The following ANO10 variants were observed in gnomAD, a reference collection of about 807,000 sequenced individuals.
The protein encoded by ANO10 is anoctamin-10.
In ANO10, 77 loss-of-function variants were observed where a neutral mutation model predicts 74.7. That is an observed-to-expected ratio of 1.03 (90% CI 0.86 to 1.25). The LOEUF is 1.25. Among genes scored for constraint, ANO10 ranks in the 50% most tolerant of loss-of-function variants. The pLI, the probability that ANO10 is intolerant of heterozygous loss-of-function variation, is 0.00. For missense variants in ANO10, 721 were observed against 778.1 expected (o/e 0.93, Z 0.87); for synonymous variants, 279 against 284.9 (o/e 0.98, Z 0.21).
chr3:43,546,145 T>C lies in ANO10; in HGVS notation c.1797+3575A>G, dbSNP rs141682516. On this transcript the variant is annotated intron_variant, in intron 11 of 12. Transcript: ENST00000292246. ...GTCAATAAGGTATAAACAAAACAAA[T>C]ATTCAAATACACACTGTGACAGAAA... Among the ~76,000 whole-genome samples, 283 of 152,308 alleles carry C rather than the reference T, an allele frequency of 1.9e-3. 2 individuals carry two copies. The highest frequency in any genetic ancestry group is 8.7e-3 in the East Asian group (45 of 5,190).
At chr3:43,455,025 G>C (rs1352253889) in intron 11 of ANO10, among the ~76,000 whole-genome samples, 5 of 152,182 alleles carry the variant, frequency 3.3e-5, no homozygotes, top group Non-Finnish European at 5.9e-5. Flanking sequence ...GAGTGTGGAG[G>C]TGTCCCTCAT....
At chr3:43,599,761 C>A (rs757312608) in intron 3 of ANO10, among the ~76,000 whole-genome samples, 1 of 151,928 alleles carries the variant, frequency 6.6e-6, no homozygotes, top group Non-Finnish European at 1.5e-5. Flanking sequence ...AAAAAATTAG[C>A]CAGGTGTGGT....
At chr3:43,583,984 G>T (rs1327506215) in intron 4 of ANO10, among the ~76,000 whole-genome samples, 2 of 152,104 alleles carry the variant, frequency 1.3e-5, no homozygotes, top group Non-Finnish European at 2.9e-5. Flanking sequence ...TATCCCTTAG[G>T]ATATGGTTAA....
At chr3:43,425,221 T>A (rs995606487) in intron 12 of ANO10, among the ~76,000 whole-genome samples, 46 of 148,444 alleles carry the variant, frequency 3.1e-4, no homozygotes, top group Admixed American at 1.2e-3. Flanking sequence ...TTTTTTTTTT[T>A]AAATAGAGAT....
chr3:43,392,230 A>T (rs1020414223), intron 12 of ANO10, among the ~76,000 whole-genome samples: 3 of 150,440 alleles, frequency 2.0e-5, no homozygotes, highest in Non-Finnish European at 1.5e-5. Flanking sequence ...CAAGCAGTAT[A>T]AAAATACTGT....
intron 11 of ANO10, among the ~76,000 whole-genome samples, chr3:43,501,665 A>T (rs2077105011): frequency 6.6e-6 from 1 of 152,220 alleles, no homozygotes; most frequent in African/African-American, 2.4e-5. Flanking sequence ...CAAGAAAGAC[A>T]GCTCATTATT....
At chr3:43,385,192 G>A (rs576325516) in intron 12 of ANO10, among the ~76,000 whole-genome samples, 2 of 152,264 alleles carry the variant, frequency 1.3e-5, no homozygotes, top group East Asian at 3.9e-4. Flanking sequence ...AATGATCAGG[G>A]AAATGCAAAC....
chr3:43,385,087 C>A (rs1022362558), intron 12 of ANO10, among the ~76,000 whole-genome samples: 1 of 151,958 alleles, frequency 6.6e-6, no homozygotes, highest in Non-Finnish European at 1.5e-5. Flanking sequence ...AAAAAACAAT[C>A]CCATCAAAAA....
chr3:43,497,238 A>G (rs923113890), intron 11 of ANO10, among the ~76,000 whole-genome samples: 1 of 152,212 alleles, frequency 6.6e-6, no homozygotes, highest in African/African-American at 2.4e-5. Context: ...CTAGCATACA[A>G]AAGTCAGCGT....
intron 11 of ANO10, among the ~76,000 whole-genome samples, chr3:43,470,844 C>G (rs910061808): frequency 3.9e-5 from 6 of 151,948 alleles, no homozygotes; most frequent in Non-Finnish European, 7.4e-5. Flanking sequence ...CCAGGCTAAT[C>G]TCAAGCTCCT....
intron 7 of ANO10, among the ~76,000 whole-genome samples, chr3:43,571,844 A>G (rs1237428298): frequency 6.8e-6 from 1 of 146,322 alleles, no homozygotes; most frequent in African/African-American, 2.6e-5. Context: ...AAAAAAAAAA[A>G]GAAGTATTTT....
At chr3:43,474,627 A>G (rs1179308422) in intron 11 of ANO10, among the ~76,000 whole-genome samples, 1 of 152,270 alleles carries the variant, frequency 6.6e-6, no homozygotes, top group Non-Finnish European at 1.5e-5. Flanking sequence ...GAATGTATAA[A>G]TAAGTCAAAT....
At chr3:43,662,375 C>T (rs150139823) in intron 1 of ANO10, among the ~76,000 whole-genome samples, 7,579 of 152,230 alleles carry the variant, frequency 0.05, 281 homozygotes, top group South Asian at 0.12. Flanking sequence ...AAAGACACAA[C>T]GTACCAGAAT....
intron 1 of ANO10, among the ~76,000 whole-genome samples, chr3:43,674,645 T>A (rs988811809): frequency 9.9e-5 from 15 of 152,204 alleles, no homozygotes; most frequent in African/African-American, 3.4e-4. Flanking sequence ...AAGTTTAATG[T>A]TCAGGAGTGC....
At chr3:43,576,582 C>G in intron 6 of ANO10, 110 bp downstream of exon 6, 4 of 1,177,476 alleles carry the variant, frequency 3.4e-6, no homozygotes, top group Non-Finnish European at 4.9e-6. Flanking sequence ...CTATAATGAG[C>G]CAAGAGCAAC....
intron 4 of ANO10, among the ~76,000 whole-genome samples, chr3:43,590,919 C>A (rs1559749151): frequency 1.3e-5 from 2 of 152,156 alleles, no homozygotes; most frequent in African/African-American, 4.8e-5. Flanking sequence ...TCAACTCACA[C>A]CCAACCCATC....
intron 1 of ANO10, among the ~76,000 whole-genome samples, chr3:43,654,079 G>A (rs1274944016): frequency 1.3e-5 from 2 of 152,030 alleles, no homozygotes; most frequent in African/African-American, 4.8e-5. Context: ...CAGGAAAATG[G>A]AGCCAGAGCC....
At chr3:43,474,836 C>T (rs775097806) in intron 11 of ANO10, among the ~76,000 whole-genome samples, 5 of 152,162 alleles carry the variant, frequency 3.3e-5, no homozygotes, top group Non-Finnish European at 7.4e-5. Context: ...TCTATCTAAT[C>T]TAGTCAAGAG....
chr3:43,626,325 C>T (rs752594876), upstream of ANO10, among the ~76,000 whole-genome samples: 6 of 145,194 alleles, frequency 4.1e-5, no homozygotes, highest in South Asian at 2.2e-4. Context: ...GACTGAGTCT[C>T]GCTGTATCGC....
Sources: allele counts gnomAD v4.1 joint callset (sites outside exome capture counted in the v4.1 genomes callset), GRCh38; gene constraint gnomAD v4.1.1; transcripts MANE v1.5; gene names NCBI Gene and HGNC (gene_info 2026-07-23, HGNC 2026-07-21).